GRIA4: variants seen among roughly 807,000 people sequenced by gnomAD.
GRIA4 encodes the protein glutamate receptor 4.
Under a neutral mutation model 104.0 loss-of-function variants are expected in GRIA4, and 34 were observed. That is an observed-to-expected ratio of 0.33 (90% confidence interval 0.25 to 0.44). The LOEUF (loss-of-function observed/expected upper bound fraction) is 0.44, where lower values mean the gene tolerates loss of function less well. Among genes scored for constraint, GRIA4 ranks in the 20% least tolerant of loss-of-function variants. The pLI, the probability that GRIA4 is intolerant of heterozygous loss-of-function variation, is 1.00. For synonymous variants in GRIA4, 386 were observed against 381.9 expected, an observed-to-expected ratio of 1.01 and a Z score of -0.13; for missense variants, 750 against 1,096.5, an observed-to-expected ratio of 0.68 and a Z score of 4.46.
intron 4 of GRIA4, among the ~76,000 whole-genome samples, chr11:105,845,875 A>T (rs1041279585): frequency 6.6e-6 from 1 of 152,170 alleles, no homozygotes; most frequent in African/African-American, 2.4e-5. Context: ...TGGGCGACAG[A>T]GAGAGACTCC....
At chr11:105,918,599 T>A in intron 10 of GRIA4, 113 bp from the exon 11 acceptor site, 1 of 617,022 alleles carries the variant, frequency 1.6e-6, no homozygotes, top group Admixed American at 2.6e-5. Flanking sequence ...CAAATCAGTA[T>A]GTGTACCAAT....
intron 4 of GRIA4, among the ~76,000 whole-genome samples, chr11:105,786,544 A>G (rs12281791): frequency 0.021 from 3,216 of 152,296 alleles, 134 homozygotes; most frequent in African/African-American, 0.073. Context: ...TGTTGATGTT[A>G]TATTATGTAC....
intron 16 of GRIA4, among the ~76,000 whole-genome samples, chr11:105,975,230 A>C (rs1188383125): frequency 6.6e-6 from 1 of 152,216 alleles, no homozygotes; most frequent in Non-Finnish European, 1.5e-5. Flanking sequence ...TGCTCAAAGT[A>C]TCACTAAGGT....
chr11:105,633,773 G>C (rs1951100496), intron 3 of GRIA4, among the ~76,000 whole-genome samples: 1 of 152,046 alleles, frequency 6.6e-6, no homozygotes, highest in Non-Finnish European at 1.5e-5. Flanking sequence ...GAGACTCTCT[G>C]AAATCACATA....
chr11:105,838,596 C>T (rs1254578041), intron 4 of GRIA4, among the ~76,000 whole-genome samples: 1 of 152,100 alleles, frequency 6.6e-6, no homozygotes, highest in Non-Finnish European at 1.5e-5. Flanking sequence ...TTTTAAGCAA[C>T]AAATCTTTCT....
At chr11:105,727,680 C>G (rs531436326) in intron 3 of GRIA4, among the ~76,000 whole-genome samples, 1 of 152,100 alleles carries the variant, frequency 6.6e-6, no homozygotes, top group Non-Finnish European at 1.5e-5. Context: ...CAGATCTCTA[C>G]GCAGAAACCC....
intron 14 of GRIA4, chr11:105,965,906 A>G: frequency 7.6e-7 from 1 of 1,323,554 alleles, no homozygotes; most frequent in Non-Finnish European, 1.1e-6. Flanking sequence ...ACATCTTAAC[A>G]GCTGTGCAGT....
chr11:105,733,947 A>G (rs1938764456), intron 3 of GRIA4, among the ~76,000 whole-genome samples: 1 of 149,888 alleles, frequency 6.7e-6, no homozygotes, highest in Non-Finnish European at 1.5e-5. Context: ...GTGTTCATTT[A>G]TGTTCCCATA....
chr11:105,617,786 A>G (rs1489682627), intron 3 of GRIA4, among the ~76,000 whole-genome samples: 3 of 152,058 alleles, frequency 2.0e-5, no homozygotes, highest in Admixed American at 6.6e-5. Flanking sequence ...CAACACAAAA[A>G]CTTATAAGAG....
rs1165967631 is a variant in GRIA4, at chr11:105,910,588, A to G, written c.1269+43A>G. 3.8e-6 allele frequency: 4 copies of G among 1,043,282 alleles called. No homozygotes were observed. The East Asian group carries it at 7.2e-5, about 19-fold the overall frequency. The allele number at this position is 1,043,282 out of a possible 1,614,324, so 64.6% of individuals were successfully genotyped here. On this transcript the variant is annotated intron_variant, in intron 10 of 16. Coordinates refer to ENST00000282499, the MANE Select transcript of GRIA4 (RefSeq NM_000829.4). ...CTTTATGGTGTTCCGTTTTGTCCAC[A>G]GGCAATTTTAACTCCCCAGCGACGG...
chr11:105,904,558 A>C (rs1946977001), intron 8 of GRIA4, among the ~76,000 whole-genome samples: 3 of 152,286 alleles, frequency 2.0e-5, no homozygotes, highest in South Asian at 4.1e-4. Context: ...AGATCTTTAA[A>C]TTGCTTTGTA....
chr11:105,902,471 C>A (rs1412958316), intron 7 of GRIA4, among the ~76,000 whole-genome samples: 1 of 151,864 alleles, frequency 6.6e-6, no homozygotes, highest in African/African-American at 2.4e-5. Flanking sequence ...GTAGCTGGGA[C>A]TATAGGTGCA....
chr11:105,918,251 T>C (rs1947465220), intron 10 of GRIA4, among the ~76,000 whole-genome samples: 1 of 152,158 alleles, frequency 6.6e-6, no homozygotes. Context: ...ACCTTTTTCT[T>C]AAAGGAAGTC....
chr11:105,783,744 TTGTG>T (rs56222983), intron 4 of GRIA4, among the ~76,000 whole-genome samples: 5,539 of 145,408 alleles, frequency 0.038, 138 homozygotes, highest in African/African-American at 0.067. Context: ...TGGATGTTAT[TTGTG>T]TGTGTGTGTG....
intron 14 of GRIA4, among the ~76,000 whole-genome samples, chr11:105,941,571 T>C (rs1948181154): frequency 6.6e-6 from 1 of 152,132 alleles, no homozygotes; most frequent in Non-Finnish European, 1.5e-5. Context: ...TTTTTTTAAT[T>C]CTGGTGTACT....
At chr11:105,850,743 G>A (rs597395) in intron 4 of GRIA4, among the ~76,000 whole-genome samples, 16,757 of 152,084 alleles carry the variant, frequency 0.11, 1,597 homozygotes, top group African/African-American at 0.26. Context: ...GGGGCTTTAC[G>A]TCCCTGTGAA....
At chr11:105,655,810 T>C (rs548570289) in intron 3 of GRIA4, among the ~76,000 whole-genome samples, 16 of 152,300 alleles carry the variant, frequency 1.1e-4, no homozygotes, top group African/African-American at 3.4e-4. Context: ...CATGTGTCCT[T>C]ATAGGAGAAT....
At chr11:105,866,045 A>G (rs1945393373) in intron 5 of GRIA4, among the ~76,000 whole-genome samples, 1 of 152,196 alleles carries the variant, frequency 6.6e-6, no homozygotes, top group Admixed American at 6.5e-5. Flanking sequence ...TTCTTTGGTC[A>G]GTTACATTAT....
At position 105,611,051 on chromosome 11, in the gene GRIA4, C is replaced by T. The variant is rs769988493; in HGVS notation, c.54C>T (p.Leu18=). 6.8e-6 allele frequency: 11 copies of T among 1,613,414 alleles called. No homozygotes were observed. Among genetic ancestry groups the T allele is most frequent in the South Asian group, 4.4e-5 (4 of 91,052 alleles). The change falls in exon 2 of 17, where the codon CTC becomes CTT. Residue 18 remains leucine, a synonymous_variant. Coordinates refer to ENST00000282499, the MANE Select transcript of GRIA4 (RefSeq NM_000829.4). ...IVLLFSGFWG[L]AMGAFPSSVQ... The stretch of plus-strand genomic sequence containing the variant: ...TGTTATTTTCTGGATTTTGGGGACT[C>T]GCCATGGGAGCCTTTCCGAGCAGCG...
Sources: gnomAD v4.1 joint callset for allele counts (sites outside exome capture counted in the v4.1 genomes callset) on GRCh38, gnomAD v4.1.1 for gene constraint, MANE v1.5 for transcripts, NCBI Gene and HGNC (gene_info 2026-07-23, HGNC 2026-07-21) for gene names.